The following ERCC2 variants were observed in gnomAD, a reference collection of about 807,000 sequenced individuals.
The protein encoded by ERCC2 is ERCC excision repair 2, TFIIH core complex helicase subunit, also known as general transcription and DNA repair factor IIH helicase subunit XPD.
Under a neutral mutation model 99.4 loss-of-function variants are expected in ERCC2, and 90 were observed. The observed-to-expected ratio is 0.91, with a 90% CI of 0.76 to 1.08. The LOEUF is 1.08. ERCC2 is among the 50% of genes least tolerant of loss of function. ERCC2 has a pLI of 0.00. For synonymous variants in ERCC2, 497 were observed against 432.4 expected (o/e 1.15, Z -1.85); for missense variants, 993 against 1,038.1 (o/e 0.96, Z 0.60).
chr19:45,352,571 C>T lies in ERCC2; in HGVS notation c.1981G>A (p.Ala661Thr). ...CTGATGGCCCGACCCACACACTGGG[C>T]CGCGTGGCGCATGGCATCGAAGGTA... ...FLTFDAMRHA[A>T]QCVGRAIRGK... Residue 661 changes from alanine (A) to threonine (T), a missense_variant, in exon 21 of 23, where the codon GCC (alanine) becomes ACC (threonine). Ala to Thr is a moderately conservative substitution (Grantham distance 58). Coordinates refer to ENST00000391945, the MANE Select transcript of ERCC2 (RefSeq NM_000400.4). 6.2e-7 allele frequency: 1 copy of T among 1,614,096 alleles called. No homozygotes were observed. Among genetic ancestry groups the T allele is most frequent in the South Asian group, 1.1e-5 (1 of 91,084 alleles).
intron 21 of ERCC2, 69 bp from the exon 22 acceptor site, chr19:45,352,421 A>C (rs1599724317): frequency 1.9e-6 from 3 of 1,613,618 alleles, no homozygotes; most frequent in Non-Finnish European, 2.5e-6. Context: ...CCACCCTGCA[A>C]CCCACCCCAC....
Position 45,364,455 on chromosome 19 carries a change from G to A in ERCC2, c.687C>T (p.Ala229=), listed in dbSNP as rs34021577. 4.3e-4 allele frequency: 693 copies of A among 1,613,984 alleles called. 5 individuals are homozygous for A. The African/African-American group carries it at 7.4e-3, about 17-fold the overall frequency. Residue 229 remains alanine, a synonymous_variant, in exon 8 of 23, where the codon GCC becomes GCT. Coordinates refer to ENST00000391945, the MANE Select transcript of ERCC2 (RefSeq NM_000400.4). ...DLVSKELARK[A]VVVFDEAHNI... is the part of the protein sequence containing the mutation. ...TGTGGGCCTCGTCGAAGACCACGACGGCCTTGCGGGCCAGTTCCTTGGACA... is the reference window on the plus strand; with the variant it reads ...TGTGGGCCTCGTCGAAGACCACGACAGCCTTGCGGGCCAGTTCCTTGGACA...
chr19:45,351,827 GTTTGAATGAA>G, intron 22 of ERCC2, 106 bp from the exon 23 acceptor site: 1 of 986,582 alleles, frequency 1.0e-6, no homozygotes, highest in South Asian at 1.4e-5. Context: ...GGGACAGGAT[GTTTGAATGAA>G]TTTGGAGATG....
chr19:45,352,673 C>G (rs893711021), intron 20 of ERCC2, 24 bp from the exon 21 acceptor site: 11 of 1,613,828 alleles, frequency 6.8e-6, no homozygotes, highest in African/African-American at 4.0e-5. Flanking sequence ...GGATGAGAAG[C>G]TGGGGAGGTG....
rs1046394120 is a variant in ERCC2 at position 45,350,288 on chromosome 19, G to A, written c.*1341C>T. Reference sequence around the variant, plus strand: ...AAAAAAAAAAAAGGCGGGACTGGATGCAGTGTTGGGAACTGGGGTCCGAAA... The same window carrying A: ...AAAAAAAAAAAAGGCGGGACTGGATACAGTGTTGGGAACTGGGGTCCGAAA... On this transcript the variant is annotated 3_prime_UTR_variant, in exon 23 of 23. Coordinates refer to ENST00000391945, the MANE Select transcript of ERCC2 (RefSeq NM_000400.4). 1.1e-5 allele frequency: 14 copies of A among 1,319,372 alleles called. No homozygotes were observed. In the East Asian group the frequency reaches 1.4e-4, roughly 13 times the overall value. The allele number at this position is 1,319,372 out of a possible 1,614,324, so 81.7% of individuals were successfully genotyped here. A position where few individuals can be genotyped will look rare whatever the true frequency, so the allele number is the denominator to read the frequency against.
intron 12 of ERCC2, chr19:45,359,034 C>A: frequency 1.6e-6 from 1 of 622,612 alleles, no homozygotes; most frequent in Non-Finnish European, 2.9e-6. Context: ...CCCCTGCTCG[C>A]ATGGGTTCGC....
At position 45,351,699 on chromosome 19, in the gene ERCC2, A is replaced by G; in HGVS notation, c.2213T>C (p.Leu738Pro). The change falls in exon 23 of 23, where the codon CTG (leucine) becomes CCG (proline). Residue 738 changes from leucine to proline, a missense_variant. Transcript: ENST00000391945. The stretch of plus-strand genomic sequence containing the variant: ...TGATTCTAGCTGCTCCAGGCTGAGC[A>G]GGGACAGGCCCAGCTGATCCTCCTG... ...FHREDQLGLS[L>P]LSLEQLESEE... 1.9e-6 allele frequency: 3 copies of G among 1,613,918 alleles called. No homozygotes were observed. The highest frequency in any genetic ancestry group is 2.5e-6 in the Non-Finnish European group (3 of 1,179,996).
At chr19:45,358,631 C>T (rs1306906845) in intron 12 of ERCC2, 12 of 571,204 alleles carry the variant, frequency 2.1e-5, no homozygotes, top group Non-Finnish European at 3.5e-5. Flanking sequence ...CTTGCTGGTC[C>T]CATGTGGCCT....
intron 4 of ERCC2, 73 bp downstream of exon 4, chr19:45,368,857 C>A (rs1432418609): frequency 6.3e-7 from 1 of 1,578,354 alleles, no homozygotes. Context: ...AAGCTGGTGA[C>A]GGCCACCGCC....
Position 45,353,104 on chromosome 19 carries a change from C to T in ERCC2, c.1810G>A (p.Val604Met). The change falls in exon 19 of 23, where the codon GTG (valine) becomes ATG (methionine). Residue 604 changes from valine to methionine, a missense_variant. By Grantham distance (21) the Val-to-Met change is conservative (BLOSUM62 1). Coordinates refer to ENST00000391945, the MANE Select transcript of ERCC2 (RefSeq NM_000400.4). ...TCACCAAAGTCGATTCCCTCGGACA[C>T]TTTGCCCCGGGCCACTGACAGCAGG... ...AILLSVARGK[V>M]SEGIDFVHHY... is the part of the protein sequence containing the mutation. 6.2e-7 allele frequency: 1 copy of T among 1,613,454 alleles called. No individual in the cohort carries two copies. Among genetic ancestry groups the T allele is most frequent in the Non-Finnish European group, 8.5e-7 (1 of 1,179,858 alleles).
Position 45,351,065 on chromosome 19 carries a change from T to C in ERCC2, c.*564A>G, listed in dbSNP as rs551561376. ...AAATAGAGGAGGCCATGTGGGTAGG[T>C]GCAGAGATGAGGCAAAGGCAGGGCG... On this transcript the variant is annotated 3_prime_UTR_variant, in exon 23 of 23. Transcript: ENST00000391945. 2.5e-6 allele frequency: 4 copies of C among 1,613,712 alleles called. No individual in the cohort carries two copies. Among genetic ancestry groups the C allele is most frequent in the Non-Finnish European group, 3.4e-6 (4 of 1,179,896 alleles).
At chr19:45,364,788 A>G in intron 7 of ERCC2, 50 bp downstream of exon 7, 1 of 1,437,194 alleles carries the variant, frequency 7.0e-7, no homozygotes, top group Non-Finnish European at 9.8e-7. Flanking sequence ...ACGGGCGGGC[A>G]GCCCACACCC....
chr19:45,352,164 G>A (rs752221010), intron 22 of ERCC2, 45 bp downstream of exon 22: 1 of 1,607,126 alleles, frequency 6.2e-7, no homozygotes, highest in African/African-American at 1.3e-5. Context: ...TTCTGGAGGA[G>A]AAGCTCAGCC....
At chr19:45,368,047 T>G (rs375486555) in intron 5 of ERCC2, among the ~76,000 whole-genome samples, 1 of 152,006 alleles carries the variant, frequency 6.6e-6, no homozygotes, top group African/African-American at 2.4e-5. Flanking sequence ...CTAATTTTTG[T>G]ATTTTTAGTA....
chr19:45,357,951 C>A, intron 12 of ERCC2: 1 of 573,538 alleles, frequency 1.7e-6, no homozygotes, highest in East Asian at 3.0e-5. Flanking sequence ...GAGCCCACAG[C>A]CCCGCCCACT....
chr19:45,369,283 G>A, intron 2 of ERCC2, 136 bp from the exon 3 acceptor site: 2 of 742,468 alleles, frequency 2.7e-6, no homozygotes, highest in Admixed American at 4.0e-5. Flanking sequence ...AGATTGGGCA[G>A]TGGGTTTGAA....
Position 45,351,095 on chromosome 19 carries a change from G to A in ERCC2, c.*534C>T. 2 of 1,611,142 alleles carry A rather than the reference G, an allele frequency of 1.2e-6. No individual in the cohort carries two copies. Among genetic ancestry groups the A allele is most frequent in the African/African-American group, 2.7e-5 (2 of 74,978 alleles). On this transcript the variant is annotated 3_prime_UTR_variant, in exon 23 of 23. Transcript: ENST00000391945. ...AGATGAGGCAAAGGCAGGGCGGTCG[G>A]GCCAGTGGTGGAGTCAGCAGGTGGT...
rs778976100 is a variant in ERCC2 at position 45,350,470 on chromosome 19, C to T, written c.*1159G>A. On this transcript the variant is annotated 3_prime_UTR_variant, in exon 23 of 23. Coordinates refer to ENST00000391945, the MANE Select transcript of ERCC2 (RefSeq NM_000400.4). ...CCCTGTCTGTCTTCCCTCCTGGTGGCTTCTCTATGTCCCCATCTCAGTGTC... is the reference window on the plus strand; with the variant it reads ...CCCTGTCTGTCTTCCCTCCTGGTGGTTTCTCTATGTCCCCATCTCAGTGTC... 1 of 1,613,412 alleles carries T rather than the reference C, an allele frequency of 6.2e-7. No individual in the cohort carries two copies. The highest frequency in any genetic ancestry group is 1.1e-5 in the South Asian group (1 of 91,024).
intron 5 of ERCC2, 103 bp from the exon 6 acceptor site, chr19:45,365,261 T>A: frequency 2.4e-6 from 2 of 830,888 alleles, no homozygotes; most frequent in South Asian, 2.8e-5. Context: ...TTGGACAACT[T>A]GAACCTCAGT....
Sources: gnomAD v4.1 joint callset for allele counts (sites outside exome capture counted in the v4.1 genomes callset) on GRCh38, gnomAD v4.1.1 for gene constraint, MANE v1.5 for transcripts, NCBI Gene and HGNC (gene_info 2026-07-23, HGNC 2026-07-21) for gene names.